Variants in DPF3 observed in about 807,000 individuals in gnomAD.
DPF3 encodes the protein double PHD fingers 3, also known as zinc finger protein DPF3.
Under a neutral mutation model 56.8 loss-of-function variants are expected in DPF3, and 18 were observed. The observed-to-expected ratio is 0.32, with a 90% CI of 0.22 to 0.47. DPF3 has a LOEUF of 0.47. DPF3 is among the 20% of genes least tolerant of loss of function. DPF3 has a pLI of 1.00. For missense variants in DPF3, 403 were observed against 488.8 expected, an observed-to-expected ratio of 0.82 and a Z score of 1.65; for synonymous variants, 188 against 180.2, an observed-to-expected ratio of 1.04 and a Z score of -0.35.
intron 9 of DPF3, among the ~76,000 whole-genome samples, chr14:72,628,291 A>G (rs1884954100): frequency 6.6e-6 from 1 of 152,088 alleles, no homozygotes; most frequent in Non-Finnish European, 1.5e-5. Flanking sequence ...ATATCCCACA[A>G]TCACTATTTT....
At chr14:72,866,837 C>A (rs1885691638) in intron 1 of DPF3, among the ~76,000 whole-genome samples, 1 of 150,258 alleles carries the variant, frequency 6.7e-6, no homozygotes, top group Non-Finnish European at 1.5e-5. Context: ...GCCTGGGCAA[C>A]AAGAGCGAAA....
At chr14:72,671,195 A>G in intron 8 of DPF3, 3 of 1,614,010 alleles carry the variant, frequency 1.9e-6, no homozygotes, top group Non-Finnish European at 2.5e-6. Flanking sequence ...CGTCCTCGAC[A>G]GGAGCGAGGC....
chr14:72,889,539 C>T lies in DPF3; in HGVS notation c.32+4518G>A, dbSNP rs547811145. Among the ~76,000 whole-genome samples the T allele has an allele frequency of 2.0e-4, 30 of 152,244 alleles. No individual in the cohort carries two copies. The South Asian group carries it at 6.0e-3, about 31-fold the overall frequency. On this transcript the variant is annotated intron_variant, in intron 1 of 10. Transcript: ENST00000556509. Reference sequence around the variant, plus strand: ...CTGTCTACTTAGTACCTACCCACATCCCCCCAACCTCGACAGAAAGAGCTA... The same window carrying T: ...CTGTCTACTTAGTACCTACCCACATTCCCCCAACCTCGACAGAAAGAGCTA...
chr14:72,782,328 A>G lies in DPF3; in HGVS notation c.33-10435T>C, dbSNP rs117167384. 9.4e-3 allele frequency among the ~76,000 whole-genome samples: 1,428 copies of G among 151,886 alleles called. 15 individuals are homozygous for G. Among genetic ancestry groups the G allele is most frequent in the South Asian group, 0.023 (112 of 4,816 alleles). ...AGCCTCCACCTCCCAGATTCAAGCA[A>G]TCCTCCCACCTCAGCCTCCAGAGTA... On this transcript the variant is annotated intron_variant, in intron 1 of 10. Coordinates refer to ENST00000556509, the MANE Select transcript of DPF3 (RefSeq NM_001280542.3).
intron 1 of DPF3, among the ~76,000 whole-genome samples, chr14:72,863,579 C>T (rs1206659289): frequency 7.0e-6 from 1 of 142,962 alleles, no homozygotes; most frequent in African/African-American, 2.6e-5. Context: ...AAAAAAGCAA[C>T]CGATGTGTAG....
At chr14:72,779,338 A>G (rs994329309) in intron 1 of DPF3, among the ~76,000 whole-genome samples, 1 of 152,218 alleles carries the variant, frequency 6.6e-6, no homozygotes, top group Non-Finnish European at 1.5e-5. Flanking sequence ...ACATTGCAGC[A>G]CTGGGTGGCC....
At chr14:72,629,780 C>G in intron 8 of DPF3, 44 bp from the exon 9 acceptor site, 1 of 1,416,386 alleles carries the variant, frequency 7.1e-7, no homozygotes, top group Non-Finnish European at 9.6e-7. Context: ...AAAGTATGAA[C>G]TGCCACCCCT....
At chr14:72,739,255 A>T (rs1267469762) in intron 3 of DPF3, among the ~76,000 whole-genome samples, 2 of 151,682 alleles carry the variant, frequency 1.3e-5, no homozygotes, top group Non-Finnish European at 2.9e-5. Flanking sequence ...AAAAAAAAAA[A>T]TGCATAGTGC....
chr14:72,668,737 T>C (rs1886540729), intron 8 of DPF3, among the ~76,000 whole-genome samples: 1 of 152,086 alleles, frequency 6.6e-6, no homozygotes, highest in Admixed American at 6.5e-5. Context: ...TCTGGGACTA[T>C]GAGCAACTAG....
At chr14:72,680,066 G>A (rs1887093150) in intron 7 of DPF3, among the ~76,000 whole-genome samples, 1 of 152,216 alleles carries the variant, frequency 6.6e-6, no homozygotes, top group African/African-American at 2.4e-5. Flanking sequence ...CCTGCGAGGA[G>A]CTCCGGCAGG....
intron 1 of DPF3, among the ~76,000 whole-genome samples, chr14:72,851,993 C>T (rs1885003116): frequency 6.6e-6 from 1 of 152,242 alleles, no homozygotes; most frequent in Non-Finnish European, 1.5e-5. Flanking sequence ...TCAAAAGACG[C>T]TTTCAAGAAG....
intron 7 of DPF3, 24 bp from the exon 8 acceptor site, chr14:72,674,392 C>T (rs1291785834): frequency 4.4e-6 from 7 of 1,606,772 alleles, no homozygotes; most frequent in Non-Finnish European, 5.1e-6. Flanking sequence ...TAAAACATTC[C>T]AATTTCAGGC....
intron 5 of DPF3, among the ~76,000 whole-genome samples, chr14:72,715,890 C>T (rs1264814899): frequency 6.6e-6 from 1 of 150,804 alleles, no homozygotes; most frequent in East Asian, 2.0e-4. Context: ...CCTCCCCTCG[C>T]CCTCATTACT....
Position 72,723,484 on chromosome 14 carries a change from A to G in DPF3, c.525+149T>C, listed in dbSNP as rs1005818425. 20 of 687,462 alleles carry G rather than the reference A, an allele frequency of 2.9e-5. No individual in the cohort carries two copies. In the African/African-American group the frequency reaches 3.4e-4, roughly 12 times the overall value. The allele number at this position is 687,462 out of a possible 1,614,324, so 42.6% of individuals were successfully genotyped here. On this transcript the variant is annotated intron_variant, in intron 5 of 10. Transcript: ENST00000556509. Reference sequence around the variant, plus strand: ...GAACTCTTCCAGGCTACGACCTGGGATCAGAGCTCTTCTGGAGTTTTCTCC... The same window carrying G: ...GAACTCTTCCAGGCTACGACCTGGGGTCAGAGCTCTTCTGGAGTTTTCTCC...
rs1404755786 is a variant in DPF3 at position 72,614,763 on chromosome 14, G to T, written c.*4534C>A. The stretch of plus-strand genomic sequence containing the variant: ...ATAATAATAATAATCTGTTGCCCAG[G>T]ATCACAAGCCTCAGAAAAAAAAAAA... On this transcript the variant is annotated 3_prime_UTR_variant, in exon 11 of 11. Coordinates refer to ENST00000556509, the MANE Select transcript of DPF3 (RefSeq NM_001280542.3). 2.4e-5 allele frequency among the ~76,000 whole-genome samples: 2 copies of T among 84,178 alleles called. No homozygotes were observed. Among genetic ancestry groups the T allele is most frequent in the Non-Finnish European group, 4.4e-5 (2 of 45,786 alleles). The allele number at this position is 84,178 out of a possible 152,430, so 55.2% of individuals were successfully genotyped here. A position where few individuals can be genotyped will look rare whatever the true frequency, so the allele number is the denominator to read the frequency against.
intron 1 of DPF3, among the ~76,000 whole-genome samples, chr14:72,798,192 T>C (rs1400921365): frequency 1.5e-5 from 2 of 136,746 alleles, no homozygotes; most frequent in Non-Finnish European, 3.0e-5. Flanking sequence ...AGGTGGAGGT[T>C]GCAGTGAGCC....
chr14:72,847,863 C>T (rs1428985589), intron 1 of DPF3, among the ~76,000 whole-genome samples: 1 of 152,198 alleles, frequency 6.6e-6, no homozygotes, highest in Admixed American at 6.5e-5. Flanking sequence ...TTCACCCAAG[C>T]CTATGGCCAT....
At chr14:72,669,043 T>C (rs527251021) in intron 8 of DPF3, among the ~76,000 whole-genome samples, 290 of 152,312 alleles carry the variant, frequency 1.9e-3, no homozygotes, top group Non-Finnish European at 2.9e-3. Context: ...CCAAAAGTGG[T>C]TGGGATTGTT....
At chr14:72,763,496 G>A (rs909957601) in intron 2 of DPF3, among the ~76,000 whole-genome samples, 4 of 152,072 alleles carry the variant, frequency 2.6e-5, no homozygotes, top group Non-Finnish European at 5.9e-5. Context: ...GGAGAAAGAC[G>A]AGTCTTTTCA....
Sources: gnomAD v4.1 joint callset for allele counts (sites outside exome capture counted in the v4.1 genomes callset) on GRCh38, gnomAD v4.1.1 for gene constraint, MANE v1.5 for transcripts, NCBI Gene and HGNC (gene_info 2026-07-23, HGNC 2026-07-21) for gene names.